Variants in THRA observed in about 807,000 individuals in gnomAD.
The protein encoded by THRA is EAR-7.
THRA carries 13 observed loss-of-function variants against 45.0 expected under a neutral mutation model. The observed-to-expected ratio is 0.29, with a 90% CI of 0.19 to 0.46. THRA has a LOEUF of 0.46. Among genes scored for constraint, THRA ranks in the 20% least tolerant of loss-of-function variants. The probability of loss-of-function intolerance (pLI) is 1.00; values close to 1 mark genes in which losing one functional copy is unlikely to be tolerated. For synonymous variants in THRA, 195 were observed against 214.0 expected, an observed-to-expected ratio of 0.91 and a Z score of 0.78; for missense variants, 278 against 556.1, an observed-to-expected ratio of 0.50 and a Z score of 5.03.
chr17:40,074,361 A>G lies in THRA; in HGVS notation c.-128A>G, dbSNP rs1306604447. ...TGAAAGGCCAAGTGCTGAGGCGGGTATCATGGGTGCTGTGCCCTAGGGCCT... is the reference window on the plus strand; with the variant it reads ...TGAAAGGCCAAGTGCTGAGGCGGGTGTCATGGGTGCTGTGCCCTAGGGCCT... On this transcript the variant is annotated 5_prime_UTR_variant, in exon 2 of 9. Transcript: ENST00000450525. 1.2e-5 allele frequency: 11 copies of G among 950,172 alleles called. No individual in the cohort carries two copies. Among genetic ancestry groups the G allele is most frequent in the Non-Finnish European group, 1.1e-5 (7 of 609,058 alleles). 58.9% of individuals were successfully genotyped at this position (950,172 alleles called of 1,614,324 possible). A position where few individuals can be genotyped will look rare whatever the true frequency, so the allele number is the denominator to read the frequency against.
Position 40,092,515 on chromosome 17 carries a change from A to G in THRA, c.*3059A>G, listed in dbSNP as rs1047025235. The G allele has an allele frequency of 3.2e-5, 5 of 154,636 alleles. No homozygotes were observed. The highest frequency in any genetic ancestry group is 4.9e-5 in the African/African-American group (2 of 41,186). 9.6% of individuals were successfully genotyped at this position (154,636 alleles called of 1,614,324 possible). A position where few individuals can be genotyped will look rare whatever the true frequency, so the allele number is the denominator to read the frequency against. Reference sequence around the variant, plus strand: ...ACAATCAGTATGTCTGTTATGTGCGATTTTTCACCCCGTTGTGTTTTGGGT... The same window carrying G: ...ACAATCAGTATGTCTGTTATGTGCGGTTTTTCACCCCGTTGTGTTTTGGGT... On this transcript the variant is annotated 3_prime_UTR_variant, in exon 9 of 9. Transcript: ENST00000450525.
downstream of THRA, chr17:40,093,536 G>A: frequency 8.4e-7 from 1 of 1,187,718 alleles, no homozygotes; most frequent in Non-Finnish European, 1.2e-6. The surrounding 1 kb of genome is among the most constrained non-coding windows in gnomAD (Gnocchi z 5.9). Context: ...TTCCTCAGCA[G>A]GCCAAACATG....
At chr17:40,081,079 C>T (rs1217415115) in intron 4 of THRA, among the ~76,000 whole-genome samples, 1 of 151,996 alleles carries the variant, frequency 6.6e-6, no homozygotes, top group Non-Finnish European at 1.5e-5. Context: ...GTGTCCCATA[C>T]CTGAGGCCCA....
At chr17:40,078,818 G>C (rs540199901) in intron 4 of THRA, among the ~76,000 whole-genome samples, 1 of 136,032 alleles carries the variant, frequency 7.4e-6, no homozygotes, top group African/African-American at 2.8e-5. Context: ...TGCAACCTTC[G>C]CCTCCCGGGT....
rs1233910392 is a variant in THRA at position 40,089,149 on chromosome 17, C to T, written c.983-57C>T. 4 of 1,559,396 alleles carry T rather than the reference C, an allele frequency of 2.6e-6. No homozygotes were observed. In the African/African-American group the frequency reaches 5.4e-5, roughly 21 times the overall value. ...TTCCCACGTCCCCACACCTCACCCT[C>T]CCCATCTCCAGGCCTTCGGCCAGCC... On this transcript the variant is annotated intron_variant, in intron 8 of 8. Coordinates refer to ENST00000450525, the MANE Select transcript of THRA (RefSeq NM_199334.5). The surrounding 1 kb of genome is among the most constrained non-coding windows in gnomAD (Gnocchi z 6.1).
intron 4 of THRA, among the ~76,000 whole-genome samples, chr17:40,077,991 A>G (rs893759734): frequency 1.3e-5 from 2 of 152,046 alleles, no homozygotes; most frequent in Admixed American, 1.3e-4. Flanking sequence ...CTGCCTGGTT[A>G]CTTTCTCTTC....
chr17:40,078,834 C>A (rs544135890), intron 4 of THRA, among the ~76,000 whole-genome samples: 26 of 149,372 alleles, frequency 1.7e-4, no homozygotes, highest in Non-Finnish European at 1.9e-4. Context: ...CGGGTTCAAG[C>A]GATTCTCCTG....
At position 40,089,488 on chromosome 17, in the gene THRA, G is replaced by T. The variant is rs199737729; in HGVS notation, c.*32G>T. 1.2e-6 allele frequency: 2 copies of T among 1,608,688 alleles called. No homozygotes were observed. The highest frequency in any genetic ancestry group is 1.3e-5 in the African/African-American group (1 of 74,792). On this transcript the variant is annotated 3_prime_UTR_variant, in exon 9 of 9. Transcript: ENST00000450525. The surrounding 1 kb of genome is among the most constrained non-coding windows in gnomAD (Gnocchi z 6.1). ...AGGCGGCCAGAGGGTGTGCGGAGCT[G>T]GTGGGGAGGAGCCTGGAGAGAAGGG...
intron 2 of THRA, among the ~76,000 whole-genome samples, chr17:40,075,462 G>C (rs889164371): frequency 5.9e-5 from 9 of 152,220 alleles, no homozygotes; most frequent in Non-Finnish European, 7.3e-5. Context: ...GCTGGGCAGG[G>C]CATGGGGTAG....
intron 4 of THRA, among the ~76,000 whole-genome samples, chr17:40,078,727 C>CTTTT (rs746350223): frequency 8.9e-4 from 91 of 102,624 alleles, no homozygotes; most frequent in Non-Finnish European, 1.2e-3. Context: ...CAGCCTTCAT[C>CTTTT]TTTTTTTTTT....
Position 40,092,287 on chromosome 17 carries a change from G to A in THRA, c.*2831G>A, listed in dbSNP as rs1305822503. 1 of 143,942 alleles carries A rather than the reference G, an allele frequency of 6.9e-6. No homozygotes were observed. The highest frequency in any genetic ancestry group is 1.5e-5 in the Non-Finnish European group (1 of 65,786). 8.9% of individuals were successfully genotyped at this position (143,942 alleles called of 1,614,324 possible). ...TGAGAGAGAGACCGTCCATAAGGAG[G>A]ACAGTAACTCCTGCCCTGGGAACTC... On this transcript the variant is annotated 3_prime_UTR_variant, in exon 9 of 9. Coordinates refer to ENST00000450525, the MANE Select transcript of THRA (RefSeq NM_199334.5).
intron 1 of THRA, among the ~76,000 whole-genome samples, chr17:40,065,672 G>C (rs1461375464): frequency 6.6e-6 from 1 of 152,074 alleles, no homozygotes; most frequent in Non-Finnish European, 1.5e-5. Context: ...GCTTGAGGTT[G>C]GGGTGGGGGG....
chr17:40,087,078 A>G (rs370216921), intron 7 of THRA: 3 of 574,540 alleles, frequency 5.2e-6, no homozygotes, highest in Non-Finnish European at 6.1e-6. Flanking sequence ...CACACCTAGC[A>G]TACAGATACG....
At chr17:40,086,119 A>G (rs1987312647) in intron 6 of THRA, among the ~76,000 whole-genome samples, 1 of 152,188 alleles carries the variant, frequency 6.6e-6, no homozygotes, top group Admixed American at 6.5e-5. Context: ...CTCAAAAAAT[A>G]TGATCAGTTT....
In THRA at chr17:40,066,519, C is replaced by G. The variant is rs1263630797; in HGVS notation, c.-298+3427C>G. On this transcript the variant is annotated intron_variant, in intron 1 of 8. Transcript: ENST00000450525. ...TCTCTACTAAAAATACAAAACTTAG[C>G]TGGGTGTGGTGGCGGGGTCCTGTAA... 2.0e-5 allele frequency among the ~76,000 whole-genome samples: 3 copies of G among 152,014 alleles called. 1 individual carries two copies. Among genetic ancestry groups the G allele is most frequent in the Admixed American group, 2.0e-4 (3 of 15,270 alleles).
Position 40,084,815 on chromosome 17 carries a change from G to C in THRA, c.576G>C (p.Leu192=). The change falls in exon 6 of 9, where the codon CTG becomes CTC. Residue 192 remains leucine, a splice_region_variant and synonymous_variant. Transcript: ENST00000450525. ...ATTGGAAACAGAGGCGGAAATTCCT[G>C]GTAAGGAGAAAGGGGGCATGGGGAG... is the stretch of plus-strand genomic sequence containing the variant. ...GSHWKQRRKF[L]PDDIGQSPIV... 1 of 1,613,146 alleles carries C rather than the reference G, an allele frequency of 6.2e-7. No individual in the cohort carries two copies. The highest frequency in any genetic ancestry group is 8.5e-7 in the Non-Finnish European group (1 of 1,179,990).
At chr17:40,070,873 A>G (rs949310436) in intron 1 of THRA, among the ~76,000 whole-genome samples, 1 of 118,154 alleles carries the variant, frequency 8.5e-6, no homozygotes, top group Admixed American at 9.6e-5. Flanking sequence ...CCCCCCACCC[A>G]TCTTTCTTTG....
chr17:40,080,433 A>C (rs560281594), intron 4 of THRA, among the ~76,000 whole-genome samples: 1 of 152,016 alleles, frequency 6.6e-6, no homozygotes, highest in South Asian at 2.1e-4. Flanking sequence ...AAAAAAAAAA[A>C]CGGAAAAAAA....
chr17:40,093,850 AAG>A (rs1214982683), downstream of THRA: 4 of 1,468,538 alleles, frequency 2.7e-6, no homozygotes, highest in Non-Finnish European at 3.8e-6. This position sits in a 1 kb window ranked among gnomAD's most constrained non-coding sequence, Gnocchi z 5.9. Context: ...TACTCCATAA[AAG>A]GTGTGTTGAA....
Sources: allele counts gnomAD v4.1 joint callset (sites outside exome capture counted in the v4.1 genomes callset), GRCh38; gene constraint gnomAD v4.1.1; non-coding constraint Gnocchi (gnomAD v3.1); transcripts MANE v1.5; gene names NCBI Gene and HGNC (gene_info 2026-07-23, HGNC 2026-07-21).